The following SNTB1 variants were observed in gnomAD, a reference collection of about 807,000 sequenced individuals.
The protein encoded by SNTB1 is syntrophin beta 1, also known as beta-1-syntrophin.
SNTB1 carries 36 observed loss-of-function variants against 48.9 expected under a neutral mutation model. The observed-to-expected ratio is 0.74, with a 90% CI of 0.56 to 0.97. The LOEUF (loss-of-function observed/expected upper bound fraction) is 0.97. Ranked by LOEUF, SNTB1 falls within the 50% of genes least tolerant of loss-of-function variation. The probability of loss-of-function intolerance (pLI) is 0.00; values close to 1 mark genes in which losing one functional copy is unlikely to be tolerated. For synonymous variants in SNTB1, 299 were observed against 294.6 expected (o/e 1.01, Z -0.15); for missense variants, 786 against 703.4 (o/e 1.12, Z -1.33).
chr8:120,592,939 C>T (rs1816268396), intron 3 of SNTB1, among the ~76,000 whole-genome samples: 1 of 152,094 alleles, frequency 6.6e-6, no homozygotes, highest in African/African-American at 2.4e-5. Context: ...ACAGCAGATT[C>T]CTTTGCATAT....
At chr8:120,723,343 C>T (rs1818699549) in intron 1 of SNTB1, among the ~76,000 whole-genome samples, 1 of 152,152 alleles carries the variant, frequency 6.6e-6, no homozygotes, top group African/African-American at 2.4e-5. Flanking sequence ...ATATATACTA[C>T]ATACGATTTA....
intron 4 of SNTB1, among the ~76,000 whole-genome samples, chr8:120,553,282 T>C (rs948036426): frequency 6.6e-6 from 1 of 152,260 alleles, no homozygotes; most frequent in African/African-American, 2.4e-5. Context: ...AACATTTATA[T>C]TAAAGAACCT....
chr8:120,611,350 C>A (rs1426217326), intron 3 of SNTB1, among the ~76,000 whole-genome samples: 3 of 45,654 alleles, frequency 6.6e-5, no homozygotes, highest in Non-Finnish European at 2.1e-4. Flanking sequence ...CAATTAGAAG[C>A]TCTGGAAAAA....
At position 120,778,122 on chromosome 8, in the gene SNTB1, T is replaced by C. The variant is rs545687535; in HGVS notation, c.571+33151A>G. Reference sequence around the variant, plus strand: ...AACTGCAATAATTGTATTTATTTGATACAACCCAGGTGGGTTCCAAGACTC... The same window carrying C: ...AACTGCAATAATTGTATTTATTTGACACAACCCAGGTGGGTTCCAAGACTC... On this transcript the variant is annotated intron_variant, in intron 1 of 6. Coordinates refer to ENST00000517992, the MANE Select transcript of SNTB1 (RefSeq NM_021021.4). Among the ~76,000 whole-genome samples, 12 of 152,354 alleles carry C rather than the reference T, an allele frequency of 7.9e-5. No individual in the cohort carries two copies. In the South Asian group the frequency reaches 1.2e-3, roughly 16 times the overall value.
chr8:120,554,867 TC>T (rs1455803327), intron 4 of SNTB1, among the ~76,000 whole-genome samples: 1 of 152,178 alleles, frequency 6.6e-6, no homozygotes, highest in Non-Finnish European at 1.5e-5. Flanking sequence ...AGTTATAGGA[TC>T]TTTTTGGACT....
chr8:120,753,309 T>C (rs564688064), intron 1 of SNTB1, among the ~76,000 whole-genome samples: 134 of 152,166 alleles, frequency 8.8e-4, no homozygotes, highest in Non-Finnish European at 1.5e-3. Context: ...ATGGTAATGA[T>C]ATAATTGCGT....
intron 2 of SNTB1, among the ~76,000 whole-genome samples, chr8:120,644,044 T>G (rs1314606202): frequency 6.6e-6 from 1 of 152,156 alleles, no homozygotes; most frequent in African/African-American, 2.4e-5. Context: ...AGAGAAGCTT[T>G]CAGATGAAGT....
chr8:120,805,334 A>C (rs1256720752), intron 1 of SNTB1, among the ~76,000 whole-genome samples: 1 of 152,182 alleles, frequency 6.6e-6, no homozygotes, highest in African/African-American at 2.4e-5. Flanking sequence ...TAAGGTTGCT[A>C]ATGAGATGAC....
At chr8:120,551,883 T>A (rs1398788508) in intron 4 of SNTB1, among the ~76,000 whole-genome samples, 1 of 152,088 alleles carries the variant, frequency 6.6e-6, no homozygotes, top group African/African-American at 2.4e-5. Context: ...CCCCATAGGA[T>A]TAGGATTAAA....
At chr8:120,640,816 C>T (rs1310458540) in intron 2 of SNTB1, among the ~76,000 whole-genome samples, 1 of 152,156 alleles carries the variant, frequency 6.6e-6, no homozygotes, top group African/African-American at 2.4e-5. Context: ...CATTGTTCAT[C>T]AGGGATATTG....
At chr8:120,606,480 C>A (rs1164319842) in intron 3 of SNTB1, among the ~76,000 whole-genome samples, 1 of 151,596 alleles carries the variant, frequency 6.6e-6, no homozygotes, top group Admixed American at 6.6e-5. Context: ...AAATTCTTCT[C>A]ACTTGCTTTT....
At chr8:120,617,583 A>G (rs1466893922) in intron 3 of SNTB1, among the ~76,000 whole-genome samples, 3 of 152,226 alleles carry the variant, frequency 2.0e-5, no homozygotes, top group African/African-American at 7.2e-5. Flanking sequence ...TGGGGACTCA[A>G]AAAATGCTGT....
chr8:120,625,800 G>A (rs1273316848), intron 3 of SNTB1, among the ~76,000 whole-genome samples: 2 of 152,192 alleles, frequency 1.3e-5, no homozygotes, highest in East Asian at 3.8e-4. Context: ...TTGATTTAGG[G>A]ATGATGCAAG....
intron 4 of SNTB1, among the ~76,000 whole-genome samples, chr8:120,564,112 C>CAAA (rs201728533): frequency 1.8e-5 from 2 of 111,622 alleles, no homozygotes; most frequent in Admixed American, 8.6e-5. Context: ...CTGTCTCAAA[C>CAAA]AAAAAAAAAA....
At chr8:120,670,462 A>G (rs1817741130) in intron 2 of SNTB1, among the ~76,000 whole-genome samples, 1 of 152,224 alleles carries the variant, frequency 6.6e-6, no homozygotes, top group African/African-American at 2.4e-5. Flanking sequence ...CAGAGTAGGT[A>G]ATATCCGTAT....
chr8:120,565,191 T>C (rs1459503835), intron 4 of SNTB1, among the ~76,000 whole-genome samples: 1 of 152,196 alleles, frequency 6.6e-6, no homozygotes, highest in Non-Finnish European at 1.5e-5. Flanking sequence ...TTCAGTGTGA[T>C]GGAGTTGTTT....
At chr8:120,744,829 A>G (rs1819099354) in intron 1 of SNTB1, among the ~76,000 whole-genome samples, 1 of 152,242 alleles carries the variant, frequency 6.6e-6, no homozygotes, top group Non-Finnish European at 1.5e-5. Context: ...TAAAAATAAT[A>G]ATACAATCAT....
chr8:120,549,001 T>C lies in SNTB1; in HGVS notation c.1137-43A>G, dbSNP rs528839508. On this transcript the variant is annotated intron_variant, in intron 4 of 6. Coordinates refer to ENST00000517992, the MANE Select transcript of SNTB1 (RefSeq NM_021021.4). ...GAGACATCATCAAAATGGAGACTAG[T>C]TTATTCACCTGGCATATCACCTTGT... The C allele has an allele frequency of 2.0e-6, 3 of 1,470,300 alleles. No homozygotes were observed. The African/African-American group carries it at 4.2e-5, about 21-fold the overall frequency. The allele number at this position is 1,470,300 out of a possible 1,614,324, so 91.1% of individuals were successfully genotyped here. A position where few individuals can be genotyped will look rare whatever the true frequency, so the allele number is the denominator to read the frequency against.
intron 1 of SNTB1, among the ~76,000 whole-genome samples, chr8:120,805,667 T>C (rs898307225): frequency 2.7e-4 from 41 of 152,238 alleles, no homozygotes; most frequent in Non-Finnish European, 1.0e-4. Context: ...CTGTAATAAA[T>C]GTGTGTTGTT....
Sources: gnomAD v4.1 joint callset for allele counts (sites outside exome capture counted in the v4.1 genomes callset) on GRCh38, gnomAD v4.1.1 for gene constraint, MANE v1.5 for transcripts, NCBI Gene and HGNC (gene_info 2026-07-23, HGNC 2026-07-21) for gene names.